Variants in KL observed in about 807,000 individuals in gnomAD.
KL encodes the protein klotho, also known as alpha-klotho.
In KL, 62 loss-of-function variants were observed where a neutral mutation model predicts 84.2. The ratio of observed to expected loss-of-function variants is 0.74; its 90% confidence interval spans 0.60 to 0.91. The LOEUF (loss-of-function observed/expected upper bound fraction) is 0.91, where lower values mean the gene tolerates loss of function less well. KL is among the 40% of genes least tolerant of loss of function. The probability of loss-of-function intolerance (pLI) is 0.00; values close to 1 mark genes in which losing one functional copy is unlikely to be tolerated. For synonymous variants in KL, 528 were observed against 528.0 expected (o/e 1.00, Z 0.00); for missense variants, 1,261 against 1,305.7 (o/e 0.97, Z 0.53).
At chr13:33,016,264 G>A (rs1870315273), upstream of KL, 1 of 151,580 alleles carries the variant, frequency 6.6e-6, no homozygotes, top group Non-Finnish European at 1.5e-5. Context: ...CGCCCTCGGC[G>A]CCCCTGCCCC....
intron 1 of KL, among the ~76,000 whole-genome samples, chr13:33,047,660 A>G (rs895366689): frequency 9.2e-5 from 14 of 152,202 alleles, no homozygotes; most frequent in Non-Finnish European, 2.1e-4. Context: ...TCTGTCTTGT[A>G]CTTGGAACAT....
intron 1 of KL, among the ~76,000 whole-genome samples, chr13:33,020,612 TG>T (rs1376767738): frequency 6.6e-6 from 1 of 152,182 alleles, no homozygotes; most frequent in Non-Finnish European, 1.5e-5. Flanking sequence ...TTCCAGTTGT[TG>T]GACCCCGAAT....
At chr13:33,059,346 A>G (rs1872085881) in intron 3 of KL, among the ~76,000 whole-genome samples, 1 of 152,208 alleles carries the variant, frequency 6.6e-6, no homozygotes, top group Admixed American at 6.5e-5. Flanking sequence ...TGAGAACTAT[A>G]ATCATCATCA....
intron 3 of KL, among the ~76,000 whole-genome samples, chr13:33,059,177 G>C (rs1280821692): frequency 6.6e-6 from 1 of 152,162 alleles, no homozygotes; most frequent in East Asian, 1.9e-4. Flanking sequence ...GGGGAACACA[G>C]GCTTAGGGTG....
intron 3 of KL, among the ~76,000 whole-genome samples, chr13:33,056,463 C>T (rs1004851857): frequency 3.3e-5 from 5 of 152,162 alleles, no homozygotes; most frequent in African/African-American, 1.2e-4. Flanking sequence ...CTTTTTCAGA[C>T]CACCCAGTTC....
At chr13:33,026,867 C>G (rs1313433786) in intron 1 of KL, among the ~76,000 whole-genome samples, 2 of 152,182 alleles carry the variant, frequency 1.3e-5, no homozygotes, top group Non-Finnish European at 2.9e-5. Context: ...TGTTTGACCT[C>G]ACATAATATA....
chr13:33,054,231 C>T lies in KL; in HGVS notation c.1284C>T (p.Ala428=). The T allele has an allele frequency of 5.0e-6, 8 of 1,613,038 alleles. No homozygotes were observed. The highest frequency in any genetic ancestry group is 6.8e-6 in the Non-Finnish European group (8 of 1,179,770). The change falls in exon 2 of 5, where the codon GCC becomes GCT. Residue 428 remains alanine (A), a synonymous_variant. Transcript: ENST00000380099. ...FVSGTTKRDD[A]KYMYYLKKFI... ...CAGGGACCACCAAGAGAGATGATGC[C>T]AAATATATGTATTACCTCAAAAAGT...
intron 1 of KL, among the ~76,000 whole-genome samples, chr13:33,024,897 C>A (rs1276260352): frequency 6.6e-6 from 1 of 152,146 alleles, no homozygotes; most frequent in East Asian, 1.9e-4. Context: ...CACAACTCAG[C>A]GTGGACATTG....
At chr13:33,042,642 T>A (rs1871377682) in intron 1 of KL, among the ~76,000 whole-genome samples, 1 of 152,172 alleles carries the variant, frequency 6.6e-6, no homozygotes, top group African/African-American at 2.4e-5. Context: ...ACATTTGTGT[T>A]GTTTTCAGTT....
Position 33,061,648 on chromosome 13 carries a change from A to G in KL, c.2569A>G (p.Asn857Asp), listed in dbSNP as rs764318704. 8.7e-6 allele frequency: 14 copies of G among 1,614,098 alleles called. No individual in the cohort carries two copies. Among genetic ancestry groups the G allele is most frequent in the Non-Finnish European group, 3.4e-6 (4 of 1,180,046 alleles). Reference protein sequence around the residue: ...VVPWGLRKVLNWLKFKYGDLP... With the variant: ...VVPWGLRKVLDWLKFKYGDLP... ...GCCCTGGGGGTTGCGCAAAGTGCTGAACTGGCTGAAGTTCAAGTACGGAGA... is the reference window on the plus strand; with the variant it reads ...GCCCTGGGGGTTGCGCAAAGTGCTGGACTGGCTGAAGTTCAAGTACGGAGA... Residue 857 changes from asparagine to aspartate, a missense_variant, in exon 4 of 5, where the codon AAC becomes GAC. Coordinates refer to ENST00000380099, the MANE Select transcript of KL (RefSeq NM_004795.4).
chr13:33,024,520 G>C (rs1870689106), intron 1 of KL, among the ~76,000 whole-genome samples: 2 of 152,170 alleles, frequency 1.3e-5, no homozygotes, highest in South Asian at 4.1e-4. Flanking sequence ...GCCGGACCCT[G>C]TAGAGAGTCC....
At chr13:33,021,360 A>G (rs1870567642) in intron 1 of KL, among the ~76,000 whole-genome samples, 2 of 152,246 alleles carry the variant, frequency 1.3e-5, no homozygotes, top group African/African-American at 4.8e-5. Flanking sequence ...ATGTCCAGTT[A>G]AAAGCTATCT....
chr13:33,064,106 G>A lies in KL; in HGVS notation c.2959G>A (p.Ala987Thr), dbSNP rs755999183. 1.2e-5 allele frequency: 19 copies of A among 1,613,674 alleles called. No homozygotes were observed. Among genetic ancestry groups the A allele is most frequent in the Non-Finnish European group, 1.6e-5 (19 of 1,179,902 alleles). Reference protein sequence around the residue: ...HTRKSLLAFIAFLFFASIISL... With the variant: ...HTRKSLLAFITFLFFASIISL... The stretch of plus-strand genomic sequence containing the variant: ...CCGAAAGTCTTTACTGGCTTTCATA[G>A]CTTTTCTATTTTTTGCTTCTATTAT... The change falls in exon 5 of 5, where the codon GCT (alanine) becomes ACT (threonine). Residue 987 changes from alanine (A) to threonine (T), a missense_variant. Ala to Thr is a moderately conservative substitution (Grantham distance 58). Transcript: ENST00000380099.
intron 1 of KL, among the ~76,000 whole-genome samples, chr13:33,038,535 A>T (rs946597901): frequency 2.0e-5 from 3 of 152,198 alleles, no homozygotes; most frequent in Non-Finnish European, 2.9e-5. Flanking sequence ...GATTTGATGA[A>T]ATGCAACATG....
chr13:33,060,133 C>T lies in KL; in HGVS notation c.1600-546C>T, dbSNP rs532303253. Among the ~76,000 whole-genome samples the T allele has an allele frequency of 3.9e-4, 59 of 151,996 alleles. 1 individual carries two copies. In the South Asian group the frequency reaches 0.011, roughly 28 times the overall value. Reference sequence around the variant, plus strand: ...CCCGTGCCACCATGCCGGGCCAAGACGGGGTTTGGACGTGTTGCCCCAGCT... The same window carrying T: ...CCCGTGCCACCATGCCGGGCCAAGATGGGGTTTGGACGTGTTGCCCCAGCT... On this transcript the variant is annotated intron_variant, in intron 3 of 4. Transcript: ENST00000380099.
At chr13:33,047,499 C>T (rs1012247019) in intron 1 of KL, among the ~76,000 whole-genome samples, 1 of 151,754 alleles carries the variant, frequency 6.6e-6, no homozygotes, top group South Asian at 2.1e-4. Context: ...ATTACAGGCA[C>T]CTGTATTTTT....
intron 1 of KL, among the ~76,000 whole-genome samples, chr13:33,024,930 G>C (rs1452734464): frequency 6.6e-6 from 1 of 152,058 alleles, no homozygotes; most frequent in East Asian, 1.9e-4. Flanking sequence ...ATACTGCTTG[G>C]GCTGCACGAG....
At chr13:33,054,734 G>A (rs138171285) in intron 2 of KL, among the ~76,000 whole-genome samples, 1 of 152,276 alleles carries the variant, frequency 6.6e-6, no homozygotes, top group African/African-American at 2.4e-5. Flanking sequence ...ACACAAAGCT[G>A]GGTGTCTAGG....
intron 1 of KL, among the ~76,000 whole-genome samples, chr13:33,037,093 G>C (rs948937217): frequency 6.6e-6 from 1 of 152,096 alleles, no homozygotes; most frequent in African/African-American, 2.4e-5. Flanking sequence ...CTTAATATAG[G>C]AATCATATAT....
Sources: allele counts gnomAD v4.1 joint callset (sites outside exome capture counted in the v4.1 genomes callset), GRCh38; gene constraint gnomAD v4.1.1; transcripts MANE v1.5; gene names NCBI Gene and HGNC (gene_info 2026-07-23, HGNC 2026-07-21).